The following RIT2 variants were observed in gnomAD, a reference collection of about 807,000 sequenced individuals.
RIT2 encodes GTP-binding protein Rit2.
RIT2 carries 24 observed loss-of-function variants against 23.7 expected under a neutral mutation model. The observed-to-expected ratio is 1.01, with a 90% confidence interval of 0.73 to 1.43. The LOEUF (loss-of-function observed/expected upper bound fraction) is 1.43, where lower values mean the gene tolerates loss of function less well. RIT2 is among the 40% of genes most tolerant of loss of function. The probability of loss-of-function intolerance (pLI) is 0.00; values close to 1 mark genes in which losing one functional copy is unlikely to be tolerated. For missense variants in RIT2, 236 were observed against 266.9 expected, an observed-to-expected ratio of 0.88 and a Z score of 0.81; for synonymous variants, 107 against 91.1, an observed-to-expected ratio of 1.17 and a Z score of -0.99.
intron 2 of RIT2, among the ~76,000 whole-genome samples, chr18:42,981,390 T>C (rs1451917068): frequency 6.6e-6 from 1 of 152,154 alleles, no homozygotes; most frequent in South Asian, 2.1e-4. Flanking sequence ...TCCTAATGAC[T>C]CTTCATCCTC....
intron 4 of RIT2, among the ~76,000 whole-genome samples, chr18:42,889,871 T>C (rs1020792766): frequency 6.6e-6 from 1 of 152,048 alleles, no homozygotes; most frequent in African/African-American, 2.4e-5. Flanking sequence ...TCAAATACTT[T>C]CAAGTAGGGA....
At chr18:43,055,283 C>T (rs1912474042) in intron 1 of RIT2, among the ~76,000 whole-genome samples, 1 of 152,100 alleles carries the variant, frequency 6.6e-6, no homozygotes. Context: ...TCTCAGCGCT[C>T]CCCATGGGGT....
At chr18:42,811,660 G>A (rs1598663822) in intron 4 of RIT2, among the ~76,000 whole-genome samples, 1 of 152,120 alleles carries the variant, frequency 6.6e-6, no homozygotes, top group Middle Eastern at 3.4e-3. Context: ...TCCACATATT[G>A]TCATGGCTTA....
chr18:42,943,286 T>A (rs2144161538), intron 3 of RIT2, among the ~76,000 whole-genome samples: 1 of 152,264 alleles, frequency 6.6e-6, no homozygotes, highest in East Asian at 1.9e-4. Context: ...TTTTACAGCA[T>A]GCTGATTGGT....
chr18:42,878,396 G>C (rs1388710489), intron 4 of RIT2, among the ~76,000 whole-genome samples: 1 of 151,834 alleles, frequency 6.6e-6, no homozygotes, highest in Non-Finnish European at 1.5e-5. Flanking sequence ...AAATAGAAGT[G>C]AATCATCACA....
At chr18:42,755,145 G>A (rs1913132026) in intron 4 of RIT2, among the ~76,000 whole-genome samples, 1 of 152,018 alleles carries the variant, frequency 6.6e-6, no homozygotes, top group African/African-American at 2.4e-5. Context: ...TGGTTTGTCT[G>A]TTCACTGTCT....
At chr18:42,927,922 A>C (rs1377159308) in intron 3 of RIT2, among the ~76,000 whole-genome samples, 2 of 151,984 alleles carry the variant, frequency 1.3e-5, no homozygotes, top group Non-Finnish European at 2.9e-5. Flanking sequence ...AAGAATTTTA[A>C]GCAGGTATTA....
At chr18:43,024,602 A>T (rs992819385) in intron 2 of RIT2, among the ~76,000 whole-genome samples, 1 of 152,078 alleles carries the variant, frequency 6.6e-6, no homozygotes, top group Non-Finnish European at 1.5e-5. Flanking sequence ...ACAGCAAAAT[A>T]AGTAATCAAC....
chr18:43,090,192 C>T (rs866438389), intron 1 of RIT2, among the ~76,000 whole-genome samples: 3 of 151,938 alleles, frequency 2.0e-5, no homozygotes, highest in Non-Finnish European at 4.4e-5. Context: ...AACAAAAAAA[C>T]ATTAAAAAGT....
intron 4 of RIT2, among the ~76,000 whole-genome samples, chr18:42,842,312 T>C (rs537848851): frequency 6.6e-6 from 1 of 152,334 alleles, no homozygotes; most frequent in East Asian, 1.9e-4. Context: ...AAAATAGCCT[T>C]GAGCCTCGTA....
intron 4 of RIT2, among the ~76,000 whole-genome samples, chr18:42,901,778 T>G (rs1368496043): frequency 6.6e-6 from 1 of 152,062 alleles, no homozygotes; most frequent in African/African-American, 2.4e-5. Flanking sequence ...TTTATTGGCG[T>G]GGCTTTAGAT....
chr18:43,050,562 T>C (rs1912355740), intron 1 of RIT2, among the ~76,000 whole-genome samples: 1 of 152,030 alleles, frequency 6.6e-6, no homozygotes, highest in Non-Finnish European at 1.5e-5. Context: ...GTAATGCCTG[T>C]TTCAGTCTTT....
At chr18:42,995,476 C>T (rs1049275096) in intron 2 of RIT2, among the ~76,000 whole-genome samples, 11 of 152,266 alleles carry the variant, frequency 7.2e-5, no homozygotes, top group East Asian at 3.9e-4. Context: ...AGACATAATT[C>T]CTTGGTTTGG....
intron 4 of RIT2, among the ~76,000 whole-genome samples, chr18:42,837,755 C>G (rs895100670): frequency 6.6e-6 from 1 of 152,040 alleles, no homozygotes; most frequent in African/African-American, 2.4e-5. Flanking sequence ...CCAATTTCCC[C>G]AGGTGGTGTT....
chr18:42,812,920 A>G (rs758257296), intron 4 of RIT2, among the ~76,000 whole-genome samples: 4 of 152,220 alleles, frequency 2.6e-5, no homozygotes, highest in South Asian at 2.1e-4. Context: ...CAAGTTTTAC[A>G]GAAAATTAAA....
intron 3 of RIT2, among the ~76,000 whole-genome samples, chr18:42,929,176 C>T (rs1909266533): frequency 6.6e-6 from 1 of 151,160 alleles, no homozygotes; most frequent in Non-Finnish European, 1.5e-5. Context: ...AAAACATGAT[C>T]AATTATATCA....
At chr18:42,934,036 A>G (rs1909394362) in intron 3 of RIT2, among the ~76,000 whole-genome samples, 1 of 41,568 alleles carries the variant, frequency 2.4e-5, no homozygotes, top group Non-Finnish European at 6.3e-5. Context: ...AAAAAAAAAA[A>G]AAGAAAAAAA....
chr18:42,777,197 A>T (rs1024608515), intron 4 of RIT2, among the ~76,000 whole-genome samples: 1 of 152,046 alleles, frequency 6.6e-6, no homozygotes, highest in African/African-American at 2.4e-5. Context: ...TTCTGCTCAG[A>T]AATCTTTCAG....
chr18:43,076,780 A>T (rs78633640), intron 1 of RIT2, among the ~76,000 whole-genome samples: 7,631 of 152,252 alleles, frequency 0.05, 235 homozygotes, highest in South Asian at 0.12. Context: ...TCAGATAGCA[A>T]TGGCAAAGAG....
Sources: gnomAD v4.1 joint callset for allele counts (sites outside exome capture counted in the v4.1 genomes callset) on GRCh38, gnomAD v4.1.1 for gene constraint, MANE v1.5 for transcripts, NCBI Gene and HGNC (gene_info 2026-07-23, HGNC 2026-07-21) for gene names.